Variants in PLXNA4 observed in about 807,000 individuals in gnomAD.
PLXNA4 encodes plexin-A4.
A neutral mutation model predicts 191.8 loss-of-function variants in PLXNA4; 44 were observed. That is an observed-to-expected ratio of 0.23 (90% CI 0.18 to 0.29). The LOEUF (loss-of-function observed/expected upper bound fraction) is 0.29. PLXNA4 is among the 10% of genes least tolerant of loss of function. PLXNA4 has a pLI of 1.00. For missense variants in PLXNA4, 1,800 were observed against 2,488.8 expected (o/e 0.72, Z 5.89); for synonymous variants, 1,082 against 1,009.5 (o/e 1.07, Z -1.36).
At position 132,202,749 on chromosome 7, in the gene PLXNA4, C is replaced by G. The variant is rs778900416; in HGVS notation, c.2483G>C (p.Gly828Ala). 1 of 1,611,712 alleles carries G rather than the reference C, an allele frequency of 6.2e-7. No homozygotes were observed. Among genetic ancestry groups the G allele is most frequent in the South Asian group, 1.1e-5 (1 of 90,722 alleles). Residue 828 changes from glycine to alanine, a missense_variant, in exon 12 of 32, where the codon GGC becomes GCC. Physicochemically the swap from Gly to Ala is moderately conservative, Grantham distance 60. Transcript: ENST00000321063. Reference sequence around the variant, plus strand: ...CTGGCGCAGGGTGCACTGGCCTGGGCCCTGGCACCAGCCACATGCGAAGTC... The same window carrying G: ...CTGGCGCAGGGTGCACTGGCCTGGGGCCTGGCACCAGCCACATGCGAAGTC... ...DPDFACGWCQ[G>A]PGQCTLRQHC...
chr7:132,459,524 A>G (rs1246580174), intron 3 of PLXNA4, among the ~76,000 whole-genome samples: 3 of 152,106 alleles, frequency 2.0e-5, no homozygotes, highest in Non-Finnish European at 4.4e-5. Flanking sequence ...GCACTTGCGG[A>G]GGTTAGAGAT....
At chr7:132,327,383 A>C (rs1584996742) in intron 3 of PLXNA4, among the ~76,000 whole-genome samples, 2 of 152,292 alleles carry the variant, frequency 1.3e-5, no homozygotes, top group East Asian at 3.9e-4. Context: ...TAGATTTTTT[A>C]AGATAAACTT....
Position 132,241,055 on chromosome 7 carries a change from A to G in PLXNA4, c.1604+11T>C. The G allele has an allele frequency of 6.3e-7, 1 of 1,585,138 alleles. No individual in the cohort carries two copies. The highest frequency in any genetic ancestry group is 8.6e-7 in the Non-Finnish European group (1 of 1,160,994). On this transcript the variant is annotated intron_variant, in intron 5 of 31. Transcript: ENST00000321063. ...GTGGGAGGCACGAGGCAGCCTCCCC[A>G]TGGTACTCACGTGTTGTGCAGCACA...
At chr7:132,541,780 G>T (rs1800098659) in intron 1 of PLXNA4, among the ~76,000 whole-genome samples, 1 of 152,240 alleles carries the variant, frequency 6.6e-6, no homozygotes, top group Non-Finnish European at 1.5e-5. Flanking sequence ...AGGCAGAGAT[G>T]ATAAGTTGTG....
At chr7:132,441,966 G>T (rs1193750990) in intron 3 of PLXNA4, among the ~76,000 whole-genome samples, 1 of 152,110 alleles carries the variant, frequency 6.6e-6, no homozygotes, top group Admixed American at 6.5e-5. Context: ...ACCAATGCTC[G>T]GTCAAAATCA....
At chr7:132,425,946 G>T (rs1385781516) in intron 3 of PLXNA4, among the ~76,000 whole-genome samples, 4 of 152,184 alleles carry the variant, frequency 2.6e-5, no homozygotes, top group African/African-American at 9.6e-5. Context: ...ACCCTGCTCA[G>T]TGGCCCCAAC....
At chr7:132,562,935 C>T (rs1460263055) in intron 1 of PLXNA4, among the ~76,000 whole-genome samples, 1 of 110,516 alleles carries the variant, frequency 9.0e-6, no homozygotes, top group Non-Finnish European at 1.9e-5. Context: ...CCTCTCCCTC[C>T]TCCTCTCCCT....
chr7:132,240,473 C>T (rs1798839465), intron 5 of PLXNA4, among the ~76,000 whole-genome samples: 1 of 152,206 alleles, frequency 6.6e-6, no homozygotes, highest in Non-Finnish European at 1.5e-5. Flanking sequence ...TTTATTGGCC[C>T]AGTGACTCCA....
intron 30 of PLXNA4, among the ~76,000 whole-genome samples, chr7:132,139,900 G>T (rs1795216287): frequency 6.6e-6 from 1 of 152,210 alleles, no homozygotes; most frequent in Non-Finnish European, 1.5e-5. Flanking sequence ...TAAAGCTTCA[G>T]CTGGTTGCTT....
chr7:132,282,092 C>A (rs539522782), intron 4 of PLXNA4, among the ~76,000 whole-genome samples: 1 of 152,288 alleles, frequency 6.6e-6, no homozygotes, highest in African/African-American at 2.4e-5. Context: ...GGGAGGCAGA[C>A]ACTAGCTAGT....
intron 1 of PLXNA4, among the ~76,000 whole-genome samples, chr7:132,646,245 T>G (rs1220189082): frequency 6.6e-6 from 1 of 152,068 alleles, no homozygotes; most frequent in African/African-American, 2.4e-5. Context: ...ACGGACTCTC[T>G]CGGGATGAGT....
chr7:132,164,483 T>G (rs1796041485), intron 23 of PLXNA4, among the ~76,000 whole-genome samples, 195 bp from the exon 24 acceptor site: 1 of 152,220 alleles, frequency 6.6e-6, no homozygotes, highest in South Asian at 2.1e-4. Context: ...CCTGGCTCTT[T>G]GGACCACAGG....
In PLXNA4 at chr7:132,126,528, A is replaced by C. The variant is rs997648436; in HGVS notation, c.*3951T>G. ...GACACGGTACCAGGGACCTGGTTGC[A>C]TGGGGGAGGTGGAGATGCTGGGCCA... On this transcript the variant is annotated 3_prime_UTR_variant, in exon 32 of 32. Transcript: ENST00000321063. 1 of 151,610 alleles carries C rather than the reference A, an allele frequency of 6.6e-6. No individual in the cohort carries two copies. The allele number at this position is 151,610 out of a possible 1,614,324, so 9.4% of individuals were successfully genotyped here. A position where few individuals can be genotyped will look rare whatever the true frequency, so the allele number is the denominator to read the frequency against.
At chr7:132,513,756 T>A (rs999301945) in intron 1 of PLXNA4, among the ~76,000 whole-genome samples, 4 of 152,068 alleles carry the variant, frequency 2.6e-5, no homozygotes, top group Non-Finnish European at 5.9e-5. Flanking sequence ...CACTGCAACT[T>A]CCACCTCCCA....
intron 4 of PLXNA4, among the ~76,000 whole-genome samples, chr7:132,275,136 T>A (rs763737259): frequency 6.6e-6 from 1 of 152,202 alleles, no homozygotes; most frequent in African/African-American, 2.4e-5. Context: ...CTCTTCTCTA[T>A]AATTATTATT....
At position 132,165,121 on chromosome 7, in the gene PLXNA4, C is replaced by T. The variant is rs115291247; in HGVS notation, c.4353+13G>A. The T allele has an allele frequency of 3.6e-4, 586 of 1,612,408 alleles. 2 individuals carry two copies. In the African/African-American group the frequency reaches 7.0e-3, roughly 19 times the overall value. On this transcript the variant is annotated intron_variant, in intron 23 of 31. Coordinates refer to ENST00000321063, the MANE Select transcript of PLXNA4 (RefSeq NM_020911.2). ...CGAGGCAAGGCCAGAAATACGTCCA[C>T]ATCCAACCCTACCTTGAGGAACTTG... is the stretch of plus-strand genomic sequence containing the variant.
At chr7:132,382,073 G>A (rs1804919515) in intron 3 of PLXNA4, among the ~76,000 whole-genome samples, 1 of 152,184 alleles carries the variant, frequency 6.6e-6, no homozygotes. Context: ...AGGGAGAGGG[G>A]AGAAAAGAAA....
At chr7:132,559,998 G>A (rs1209312655) in intron 1 of PLXNA4, among the ~76,000 whole-genome samples, 3 of 152,156 alleles carry the variant, frequency 2.0e-5, no homozygotes, top group Admixed American at 6.5e-5. Context: ...TTTTTCCTTG[G>A]CACTTGACAC....
chr7:132,191,256 A>G (rs1016207461), intron 14 of PLXNA4, among the ~76,000 whole-genome samples: 2 of 152,184 alleles, frequency 1.3e-5, no homozygotes, highest in African/African-American at 4.8e-5. Flanking sequence ...TGTGATGGCA[A>G]ACAGAATGGG....
Sources: gnomAD v4.1 joint callset for allele counts (sites outside exome capture counted in the v4.1 genomes callset) on GRCh38, gnomAD v4.1.1 for gene constraint, MANE v1.5 for transcripts, NCBI Gene and HGNC (gene_info 2026-07-23, HGNC 2026-07-21) for gene names.